The following STN1 variants were observed in gnomAD, a reference collection of about 807,000 sequenced individuals.
STN1 encodes STN1 subunit of CST complex.
STN1 carries 29 observed loss-of-function variants against 45.5 expected under a neutral mutation model. That is an observed-to-expected ratio of 0.64 (90% CI 0.47 to 0.87). STN1 has a LOEUF of 0.87. Ranked by LOEUF, STN1 falls within the 40% of genes least tolerant of loss-of-function variation. STN1 has a pLI of 0.00. For synonymous variants in STN1, 148 were observed against 159.0 expected (o/e 0.93, Z 0.52); for missense variants, 376 against 441.4 (o/e 0.85, Z 1.33).
rs1258524250 is a variant in STN1, at chr10:103,882,562, T to C, written c.*122A>G. The C allele has an allele frequency of 5.0e-6, 5 of 993,798 alleles. No individual in the cohort carries two copies. Among genetic ancestry groups the C allele is most frequent in the Non-Finnish European group, 5.8e-6 (4 of 687,168 alleles). The allele number at this position is 993,798 out of a possible 1,614,324, so 61.6% of individuals were successfully genotyped here. Reference sequence around the variant, plus strand: ...TCCCATTCCCAAGATGACTATATTTTATAGTTTATTATGAGGTAACTGCCT... The same window carrying C: ...TCCCATTCCCAAGATGACTATATTTCATAGTTTATTATGAGGTAACTGCCT... On this transcript the variant is annotated 3_prime_UTR_variant, in exon 10 of 10. Coordinates refer to ENST00000224950, the MANE Select transcript of STN1 (RefSeq NM_024928.5).
At chr10:103,887,580 C>T (rs909925081) in intron 9 of STN1, among the ~76,000 whole-genome samples, 2 of 152,192 alleles carry the variant, frequency 1.3e-5, no homozygotes, top group Admixed American at 6.5e-5. Context: ...GGTTCCAACA[C>T]AGTCCTTATA....
Position 103,897,681 on chromosome 10 carries a change from A to C in STN1, c.620T>G (p.Leu207Trp), listed in dbSNP as rs528812123. 41 of 1,614,082 alleles carry C rather than the reference A, an allele frequency of 2.5e-5. No individual in the cohort carries two copies. Among genetic ancestry groups the C allele is most frequent in the Non-Finnish European group, 3.2e-5 (38 of 1,180,032 alleles). ...GALDLPSLTS[L>W]LSEKAKEFLM... is the part of the protein sequence containing the mutation. ...GAATTCTTTGGCTTTTTCACTCAGCAAACTCGTGAGACTGGGGAGGTCCAG... is the reference window on the plus strand; with the variant it reads ...GAATTCTTTGGCTTTTTCACTCAGCCAACTCGTGAGACTGGGGAGGTCCAG... Residue 207 changes from leucine (L) to tryptophan (W), a missense_variant, in exon 7 of 10, where the codon TTG (leucine) becomes TGG (tryptophan). Physicochemically the swap from Leu to Trp is moderately conservative, Grantham distance 61. Coordinates refer to ENST00000224950, the MANE Select transcript of STN1 (RefSeq NM_024928.5).
At chr10:103,911,199 G>A (rs1247308580) in intron 2 of STN1, among the ~76,000 whole-genome samples, 1 of 152,108 alleles carries the variant, frequency 6.6e-6, no homozygotes, top group African/African-American at 2.4e-5. Flanking sequence ...TACAGATGGT[G>A]GCAGGCAACT....
At chr10:103,909,366 A>AAAATATATATATGTATATATATG (rs1564634873) in intron 3 of STN1, among the ~76,000 whole-genome samples, 13 of 80,244 alleles carry the variant, frequency 1.6e-4, no homozygotes, top group Non-Finnish European at 3.2e-4. Context: ...AAAAAAAAAA[A>AAAATATATATATGTATATATATG]TATATATATA....
intron 3 of STN1, among the ~76,000 whole-genome samples, chr10:103,909,458 A>ATATG (rs1220151249): frequency 9.3e-6 from 1 of 107,096 alleles, no homozygotes; most frequent in African/African-American, 3.9e-5. Flanking sequence ...ATATGTATAT[A>ATATG]TGTATATATA....
chr10:103,911,558 T>A (rs1049372771), intron 2 of STN1, among the ~76,000 whole-genome samples: 1 of 152,220 alleles, frequency 6.6e-6, no homozygotes, highest in Admixed American at 6.5e-5. Flanking sequence ...TTCTTTTTTT[T>A]AAATTAGACA....
chr10:103,890,424 A>C (rs1379746449), intron 8 of STN1, among the ~76,000 whole-genome samples: 1 of 152,220 alleles, frequency 6.6e-6, no homozygotes, highest in East Asian at 1.9e-4. Context: ...GGAGAGATGA[A>C]GTCAGAGATG....
At chr10:103,910,655 G>A (rs1360518417) in intron 2 of STN1, 33 bp from the exon 3 acceptor site, 1 of 1,177,158 alleles carries the variant, frequency 8.5e-7, no homozygotes, top group Non-Finnish European at 1.3e-6. Flanking sequence ...TCGACATAAT[G>A]TATGATTACA....
chr10:103,881,583 T>A lies in STN1; in HGVS notation c.*1101A>T, dbSNP rs1262037688. Among the ~76,000 whole-genome samples, 1 of 152,208 alleles carries A rather than the reference T, an allele frequency of 6.6e-6. No individual in the cohort carries two copies. Among genetic ancestry groups the A allele is most frequent in the African/African-American group, 2.4e-5 (1 of 41,462 alleles). ...ACTTCTGCGTATAAAGACTGTCCTG[T>A]TTCCACGGAGAGAGGAGCAACTCTC... On this transcript the variant is annotated 3_prime_UTR_variant, in exon 10 of 10. Transcript: ENST00000224950.
intron 4 of STN1, among the ~76,000 whole-genome samples, chr10:103,904,771 AATT>A (rs1210260670): frequency 6.6e-6 from 1 of 152,212 alleles, no homozygotes; most frequent in African/African-American, 2.4e-5. Context: ...CCTGACTTGC[AATT>A]AGGCTAAGAC....
At chr10:103,885,014 CCTGGAGCTGCCACTGGAG>C (rs1432217765) in intron 9 of STN1, among the ~76,000 whole-genome samples, 5 of 152,096 alleles carry the variant, frequency 3.3e-5, no homozygotes. Context: ...GCTTGGCAGA[CCTGGAGCTGCCACTGGAG>C]TCCACCACAC....
At chr10:103,914,973 A>G (rs1843319682) in intron 2 of STN1, among the ~76,000 whole-genome samples, 1 of 152,144 alleles carries the variant, frequency 6.6e-6, no homozygotes. Context: ...GGGGTCCCCA[A>G]CACTCCCTCA....
At chr10:103,913,080 C>T (rs1041181318) in intron 2 of STN1, among the ~76,000 whole-genome samples, 4 of 152,220 alleles carry the variant, frequency 2.6e-5, no homozygotes, top group Non-Finnish European at 5.9e-5. Context: ...TAGCATATAC[C>T]ACTGTCGTGG....
At chr10:103,892,772 T>C (rs1843148136) in intron 7 of STN1, among the ~76,000 whole-genome samples, 1 of 152,190 alleles carries the variant, frequency 6.6e-6, no homozygotes, top group African/African-American at 2.4e-5. Context: ...TCCACAAGGC[T>C]GAAGGTAGAC....
At chr10:103,890,724 T>C (rs529329770) in intron 8 of STN1, among the ~76,000 whole-genome samples, 2 of 152,324 alleles carry the variant, frequency 1.3e-5, no homozygotes, top group East Asian at 3.9e-4. Flanking sequence ...CAAAAGTTAT[T>C]TAAATGGTAT....
At chr10:103,904,708 G>A (rs1451780404) in intron 4 of STN1, among the ~76,000 whole-genome samples, 1 of 152,208 alleles carries the variant, frequency 6.6e-6, no homozygotes, top group Non-Finnish European at 1.5e-5. Context: ...GAGAGAAACA[G>A]TCTTCAAAAT....
chr10:103,885,048 T>A lies in STN1; in HGVS notation c.950-2207A>T, dbSNP rs560412624. Among the ~76,000 whole-genome samples the A allele has an allele frequency of 3.3e-5, 5 of 152,250 alleles. No individual in the cohort carries two copies. In the South Asian group the frequency reaches 1.0e-3, roughly 32 times the overall value. ...GCCACTGGAGTCCACCACACCAGAA[T>A]TCAAGCCCTGGCTCTACAACTGGGA... On this transcript the variant is annotated intron_variant, in intron 9 of 9. Coordinates refer to ENST00000224950, the MANE Select transcript of STN1 (RefSeq NM_024928.5).
intron 6 of STN1, among the ~76,000 whole-genome samples, chr10:103,898,009 T>C (rs1245177507): frequency 6.6e-6 from 1 of 152,094 alleles, no homozygotes; most frequent in African/African-American, 2.4e-5. Context: ...ACAAAATCTA[T>C]GGGTGAATAT....
Position 103,882,426 on chromosome 10 carries a change from C to T in STN1, c.*258G>A. ...TCTGCTCTGCGAACAACGCACAGTC[C>T]AGCCAGGAGCTCAACAGGGAGGGTT... On this transcript the variant is annotated 3_prime_UTR_variant, in exon 10 of 10. Coordinates refer to ENST00000224950, the MANE Select transcript of STN1 (RefSeq NM_024928.5). 2.4e-6 allele frequency: 1 copy of T among 418,664 alleles called. No homozygotes were observed. Among genetic ancestry groups the T allele is most frequent in the Non-Finnish European group, 4.3e-6 (1 of 232,140 alleles). The allele number at this position is 418,664 out of a possible 1,614,324, so 25.9% of individuals were successfully genotyped here.
Sources: gnomAD v4.1 joint callset for allele counts (sites outside exome capture counted in the v4.1 genomes callset) on GRCh38, gnomAD v4.1.1 for gene constraint, MANE v1.5 for transcripts, NCBI Gene and HGNC (gene_info 2026-07-23, HGNC 2026-07-21) for gene names.